RNF34: variants seen among roughly 807,000 people sequenced by gnomAD.
The protein encoded by RNF34 is E3 ubiquitin-protein ligase RNF34.
In RNF34, 12 loss-of-function variants were observed where a neutral mutation model predicts 37.9. The ratio of observed to expected loss-of-function variants is 0.32; its 90% confidence interval spans 0.20 to 0.51. The LOEUF (loss-of-function observed/expected upper bound fraction) is 0.51. RNF34 is among the 20% of genes least tolerant of loss of function. RNF34 has a pLI of 0.97. For synonymous variants in RNF34, 155 were observed against 177.2 expected (o/e 0.87, Z 1.00); for missense variants, 362 against 472.7 (o/e 0.77, Z 2.17).
chr12:121,410,743 C>T (rs537778311), intron 1 of RNF34, among the ~76,000 whole-genome samples: 5 of 152,152 alleles, frequency 3.3e-5, no homozygotes, highest in Non-Finnish European at 7.4e-5. Flanking sequence ...ATCATGTTCT[C>T]ATTGGAAGAT....
chr12:121,411,144 T>C (rs1871018441), intron 1 of RNF34, among the ~76,000 whole-genome samples: 1 of 152,228 alleles, frequency 6.6e-6, no homozygotes, highest in African/African-American at 2.4e-5. Context: ...TTGCCCAGGC[T>C]GGTCTTGACC....
At position 121,423,289 on chromosome 12, in the gene RNF34, G is replaced by T; in HGVS notation, c.929-97G>T. On this transcript the variant is annotated intron_variant, in intron 5 of 5. Transcript: ENST00000361234. This position sits in a 1 kb window ranked among gnomAD's most constrained non-coding sequence, Gnocchi z 4.3. The stretch of plus-strand genomic sequence containing the variant: ...CTGGGGTGGCATTGGGCCTGCAGGG[G>T]TCATTCAGCAGGTGGCTGCTCAGCT... 2 of 890,762 alleles carry T rather than the reference G, an allele frequency of 2.2e-6. No individual in the cohort carries two copies. The highest frequency in any genetic ancestry group is 2.7e-5 in the East Asian group (1 of 37,514). 55.2% of individuals were successfully genotyped at this position (890,762 alleles called of 1,614,324 possible). A position where few individuals can be genotyped will look rare whatever the true frequency, so the allele number is the denominator to read the frequency against.
chr12:121,419,900 A>G (rs1283589769), intron 3 of RNF34: 1 of 180,484 alleles, frequency 5.5e-6, no homozygotes, highest in Admixed American at 5.4e-5. Context: ...CAGTTAAACT[A>G]GCCATTTGCA....
In RNF34 at chr12:121,420,770, A is replaced by G. The variant is rs1555283231; in HGVS notation, c.920A>G (p.Gln307Arg). 1.2e-6 allele frequency: 2 copies of G among 1,610,064 alleles called. No individual in the cohort carries two copies. The highest frequency in any genetic ancestry group is 8.5e-7 in the Non-Finnish European group (1 of 1,176,278). ...TTATACAAAGAGAATGAAGAAAACC[A>G]AAAGTCCTGTAGGTTTATCTTTTCA... Reference protein sequence around the residue: ...NRLYKENEENQKSYGERLQLQ... With the variant: ...NRLYKENEENRKSYGERLQLQ... Residue 307 changes from glutamine (Q) to arginine (R), a missense_variant, in exon 5 of 6, where the codon CAA (glutamine) becomes CGA (arginine). By Grantham distance (43) the Gln-to-Arg change is conservative. Transcript: ENST00000361234.
chr12:121,407,210 G>A (rs1457027807), intron 1 of RNF34, among the ~76,000 whole-genome samples: 3 of 152,200 alleles, frequency 2.0e-5, no homozygotes, highest in Non-Finnish European at 2.9e-5. Context: ...GGTCATGAAA[G>A]CCCAGATCAT....
chr12:121,420,697 T>C lies in RNF34; in HGVS notation c.847T>C (p.Tyr283His). ...AATTCTGGCTCGGAATTTTGTCAAC[T>C]ATTCTGGCTGTTGTGAAAAATGGGA... ...KEILARNFVNYSGCCEKWELV... is the reference protein window; with the variant it reads ...KEILARNFVNHSGCCEKWELV... Residue 283 changes from tyrosine to histidine, a missense_variant, in exon 5 of 6, where the codon TAT becomes CAT. Tyr to His is a moderately conservative substitution (Grantham distance 83). Transcript: ENST00000361234. 1 of 1,614,170 alleles carries C rather than the reference T, an allele frequency of 6.2e-7. No homozygotes were observed. The highest frequency in any genetic ancestry group is 2.2e-5 in the East Asian group (1 of 44,892).
chr12:121,410,022 G>T (rs1397280091), intron 1 of RNF34, among the ~76,000 whole-genome samples: 1 of 152,114 alleles, frequency 6.6e-6, no homozygotes, highest in South Asian at 2.1e-4. Context: ...GGGCATGGTG[G>T]CAGATGCCTG....
At chr12:121,400,791 A>G (rs1392280212) in intron 1 of RNF34, among the ~76,000 whole-genome samples, 2 of 152,180 alleles carry the variant, frequency 1.3e-5, no homozygotes, top group Admixed American at 6.5e-5. Context: ...CATCGCCACT[A>G]GGTAAACGCA....
At chr12:121,413,120 G>A (rs1173882106) in intron 1 of RNF34, among the ~76,000 whole-genome samples, 3 of 145,792 alleles carry the variant, frequency 2.1e-5, no homozygotes, top group Non-Finnish European at 3.0e-5. Context: ...CCGCCTCCCC[G>A]GTTCAAGCGA....
At chr12:121,405,804 T>G (rs1355682266) in intron 1 of RNF34, among the ~76,000 whole-genome samples, 1 of 149,358 alleles carries the variant, frequency 6.7e-6, no homozygotes, top group East Asian at 2.0e-4. Context: ...TTCTTTTTTT[T>G]TTTTCTTGAG....
rs374173829 is a variant in RNF34, at chr12:121,402,850, C to T, written c.6+2632C>T. ...AGCACATGTTATTGTAATAATCGATCAGTTTGGCCAATGTCTTGTCTAAAA... is the reference window on the plus strand; with the variant it reads ...AGCACATGTTATTGTAATAATCGATTAGTTTGGCCAATGTCTTGTCTAAAA... On this transcript the variant is annotated intron_variant, in intron 1 of 5. Coordinates refer to ENST00000361234, the MANE Select transcript of RNF34 (RefSeq NM_025126.4). 2.8e-6 allele frequency: 4 copies of T among 1,431,006 alleles called. No homozygotes were observed. The African/African-American group carries it at 4.3e-5, about 15-fold the overall frequency. The allele number at this position is 1,431,006 out of a possible 1,614,324, so 88.6% of individuals were successfully genotyped here. A position where few individuals can be genotyped will look rare whatever the true frequency, so the allele number is the denominator to read the frequency against.
At chr12:121,412,561 T>C (rs1231493822) in intron 1 of RNF34, among the ~76,000 whole-genome samples, 2 of 151,822 alleles carry the variant, frequency 1.3e-5, no homozygotes, top group Non-Finnish European at 2.9e-5. Context: ...GTGTTTTTAG[T>C]AGAGATGGGG....
intron 1 of RNF34, among the ~76,000 whole-genome samples, chr12:121,400,870 T>C (rs1316549312): frequency 6.6e-6 from 1 of 152,108 alleles, no homozygotes; most frequent in Non-Finnish European, 1.5e-5. Flanking sequence ...TGATGAGAAG[T>C]TGAAGAAAAG....
intron 1 of RNF34, chr12:121,402,833 T>C (rs2136892507): frequency 1.3e-6 from 2 of 1,513,004 alleles, no homozygotes. Context: ...ATAGCACATG[T>C]TATTGTAATA....
chr12:121,414,111 T>C (rs1555281778), intron 1 of RNF34, among the ~76,000 whole-genome samples: 1 of 152,252 alleles, frequency 6.6e-6, no homozygotes, highest in East Asian at 1.9e-4. Context: ...GGCTTTTTAT[T>C]TGCTTTTTGT....
At chr12:121,420,393 T>G (rs1555283105) in intron 4 of RNF34, 59 bp downstream of exon 4, 7 of 1,553,766 alleles carry the variant, frequency 4.5e-6, no homozygotes, top group Non-Finnish European at 6.1e-6. Context: ...GAAGGGACAG[T>G]GCCCTGTGGA....
At chr12:121,420,508 G>T in intron 4 of RNF34, 69 bp from the exon 5 acceptor site, 1 of 1,581,454 alleles carries the variant, frequency 6.3e-7, no homozygotes, top group Non-Finnish European at 8.7e-7. Flanking sequence ...TTCAGGGCCA[G>T]TGATGAGTTT....
intron 5 of RNF34, among the ~76,000 whole-genome samples, chr12:121,422,728 CTT>C (rs1444018721): frequency 6.6e-6 from 1 of 152,086 alleles, no homozygotes; most frequent in Non-Finnish European, 1.5e-5. Flanking sequence ...CTGGGGTTAA[CTT>C]TTTTTTAACT....
At chr12:121,419,101 C>G (rs1566234076) in intron 3 of RNF34, among the ~76,000 whole-genome samples, 1 of 152,146 alleles carries the variant, frequency 6.6e-6, no homozygotes, top group Non-Finnish European at 1.5e-5. Flanking sequence ...ATGTTTTGGT[C>G]AGTGATAGAC....
Sources: allele counts gnomAD v4.1 joint callset (sites outside exome capture counted in the v4.1 genomes callset), GRCh38; gene constraint gnomAD v4.1.1; non-coding constraint Gnocchi (gnomAD v3.1); transcripts MANE v1.5; gene names NCBI Gene and HGNC (gene_info 2026-07-23, HGNC 2026-07-21).